MYDGF: variants seen among roughly 807,000 people sequenced by gnomAD.
MYDGF encodes myeloid derived growth factor.
In MYDGF, 29 loss-of-function variants were observed where a neutral mutation model predicts 24.2. The observed-to-expected ratio is 1.20, with a 90% CI of 0.89 to 1.63. The LOEUF (loss-of-function observed/expected upper bound fraction) is 1.63. Among genes scored for constraint, MYDGF ranks in the 40% most tolerant of loss-of-function variants. MYDGF has a pLI of 0.00. For missense variants in MYDGF, 245 were observed against 234.8 expected (o/e 1.04, Z -0.29); for synonymous variants, 105 against 102.5 (o/e 1.02, Z -0.15).
At chr19:4,659,857 T>G in intron 5 of MYDGF, 74 bp downstream of exon 5, 1 of 1,391,310 alleles carries the variant, frequency 7.2e-7, no homozygotes, top group Non-Finnish European at 1.0e-6. Context: ...CTGACCCCCC[T>G]CTCCAAACTG....
At chr19:4,669,575 G>A (rs2088547166) in intron 1 of MYDGF, among the ~76,000 whole-genome samples, 1 of 152,158 alleles carries the variant, frequency 6.6e-6, no homozygotes, top group Non-Finnish European at 1.5e-5. Context: ...CCGAGATCCC[G>A]CCACTGCACG....
At chr19:4,666,065 C>A (rs2088519379) in intron 2 of MYDGF, among the ~76,000 whole-genome samples, 2 of 151,660 alleles carry the variant, frequency 1.3e-5, no homozygotes, top group African/African-American at 4.8e-5. Flanking sequence ...TGCCTGTAAT[C>A]CCAGCACTTT....
intron 3 of MYDGF, among the ~76,000 whole-genome samples, chr19:4,661,977 C>T (rs1215965516): frequency 1.3e-5 from 2 of 152,126 alleles, no homozygotes; most frequent in South Asian, 2.1e-4. Context: ...CAGACGATGG[C>T]GACCGTGGGC....
intron 1 of MYDGF, among the ~76,000 whole-genome samples, chr19:4,669,892 C>A (rs1023338432): frequency 1.3e-5 from 2 of 152,150 alleles, no homozygotes; most frequent in African/African-American, 4.8e-5. Flanking sequence ...ACACTCCAGG[C>A]AGGCGACAGG....
At chr19:4,668,846 C>G (rs2088540840) in intron 1 of MYDGF, 2 of 442,204 alleles carry the variant, frequency 4.5e-6, no homozygotes, top group Non-Finnish European at 8.1e-6. Context: ...CCACACCCGA[C>G]TAATTTTTTT....
chr19:4,659,754 C>T, intron 5 of MYDGF, 177 bp downstream of exon 5: 4 of 641,418 alleles, frequency 6.2e-6, no homozygotes, highest in Non-Finnish European at 1.1e-5. Context: ...CTAGACAGAA[C>T]CCACAGTGCC....
intron 3 of MYDGF, among the ~76,000 whole-genome samples, chr19:4,662,928 T>C (rs1217500354): frequency 6.6e-6 from 1 of 151,704 alleles, no homozygotes; most frequent in Non-Finnish European, 1.5e-5. Flanking sequence ...ACCTTCCTCC[T>C]CCTCCTACCC....
Position 4,670,326 on chromosome 19 carries a change from C to T in MYDGF, c.9G>A (p.Ala3=). The change falls in exon 1 of 6, where the codon GCG becomes GCA. Residue 3 remains alanine (A), a synonymous_variant. Coordinates refer to ENST00000262947, the MANE Select transcript of MYDGF (RefSeq NM_019107.4). Reference sequence around the variant, plus strand: ...CGACGCCGTTCCACCCTCCGCTGGGCGCCGCCATGTTGGACTAGGGTCCTC... The same window carrying T: ...CGACGCCGTTCCACCCTCCGCTGGGTGCCGCCATGTTGGACTAGGGTCCTC... MA[A]PSGGWNGVGA... is the part of the protein sequence containing the mutation. 6.9e-7 allele frequency: 1 copy of T among 1,457,522 alleles called. No individual in the cohort carries two copies. The highest frequency in any genetic ancestry group is 9.1e-7 in the Non-Finnish European group (1 of 1,103,250). The allele number at this position is 1,457,522 out of a possible 1,614,324, so 90.3% of individuals were successfully genotyped here. A position where few individuals can be genotyped will look rare whatever the true frequency, so the allele number is the denominator to read the frequency against.
At position 4,664,867 on chromosome 19, in the gene MYDGF, G is replaced by T; in HGVS notation, c.287+9C>A. On this transcript the variant is annotated intron_variant, in intron 3 of 5. Coordinates refer to ENST00000262947, the MANE Select transcript of MYDGF (RefSeq NM_019107.4). ...CAGCCGGAAATGCCATCCCCACCCC[G>T]AGTCTCACCTCCAGATGGTGCAGGT... 1.9e-6 allele frequency: 3 copies of T among 1,611,926 alleles called. No homozygotes were observed. Among genetic ancestry groups the T allele is most frequent in the Admixed American group, 3.3e-5 (2 of 59,964 alleles).
At chr19:4,666,339 G>A (rs573871478) in intron 2 of MYDGF, among the ~76,000 whole-genome samples, 3 of 151,022 alleles carry the variant, frequency 2.0e-5, no homozygotes, top group East Asian at 2.0e-4. Context: ...GCAGTGGTGC[G>A]ATCTCAGCTC....
At position 4,658,036 on chromosome 19, in the gene MYDGF, A is replaced by G. The variant is rs1176776376; in HGVS notation, c.491T>C (p.Ile164Thr). ...CTCAGTGCGCGATGCCTTGGCCACA[A>G]TCACCAGCTTGGACAGCTCAGCTTT... is the stretch of plus-strand genomic sequence containing the variant. ...AFKAELSKLV[I>T]VAKASRTEL Residue 164 changes from isoleucine (I) to threonine (T), a missense_variant, in exon 6 of 6, where the codon ATT (isoleucine) becomes ACT (threonine). Physicochemically the swap from Ile to Thr is moderately conservative, Grantham distance 89. Transcript: ENST00000262947. 1.2e-6 allele frequency: 2 copies of G among 1,611,830 alleles called. No homozygotes were observed. Among genetic ancestry groups the G allele is most frequent in the South Asian group, 1.1e-5 (1 of 90,558 alleles).
chr19:4,658,807 T>C (rs1298269800), intron 5 of MYDGF, among the ~76,000 whole-genome samples: 2 of 152,200 alleles, frequency 1.3e-5, no homozygotes, highest in Non-Finnish European at 2.9e-5. Context: ...TTTTAAAATT[T>C]ATTATTTTTT....
intron 5 of MYDGF, among the ~76,000 whole-genome samples, chr19:4,659,079 C>T (rs1364455192): frequency 7.0e-6 from 1 of 142,558 alleles, no homozygotes; most frequent in Admixed American, 7.0e-5. Flanking sequence ...ATGCCCAGCC[C>T]TGTTTATTGT....
intron 3 of MYDGF, among the ~76,000 whole-genome samples, chr19:4,663,919 C>A (rs1250607622): frequency 6.6e-6 from 1 of 151,160 alleles, no homozygotes; most frequent in Non-Finnish European, 1.5e-5. Flanking sequence ...CCTGCCTCAG[C>A]CTGCCTCCTT....
At chr19:4,660,911 G>A (rs1430026860) in intron 3 of MYDGF, among the ~76,000 whole-genome samples, 161 bp from the exon 4 acceptor site, 2 of 152,064 alleles carry the variant, frequency 1.3e-5, no homozygotes, top group Non-Finnish European at 2.9e-5. Flanking sequence ...CTGCTGACTG[G>A]GAAGGATGGA....
chr19:4,662,531 A>C (rs1372557072), intron 3 of MYDGF, among the ~76,000 whole-genome samples: 1 of 152,122 alleles, frequency 6.6e-6, no homozygotes, highest in East Asian at 1.9e-4. Context: ...AGCCGGGATA[A>C]GCCCATAAAC....
chr19:4,670,326 C>G lies in MYDGF; in HGVS notation c.9G>C (p.Ala3=). 2 of 1,457,524 alleles carry G rather than the reference C, an allele frequency of 1.4e-6. No homozygotes were observed. The highest frequency in any genetic ancestry group is 1.8e-6 in the Non-Finnish European group (2 of 1,103,250). 90.3% of individuals were successfully genotyped at this position (1,457,524 alleles called of 1,614,324 possible). A position where few individuals can be genotyped will look rare whatever the true frequency, so the allele number is the denominator to read the frequency against. MA[A]PSGGWNGVGA... ...CGACGCCGTTCCACCCTCCGCTGGG[C>G]GCCGCCATGTTGGACTAGGGTCCTC... Residue 3 remains alanine, a synonymous_variant, in exon 1 of 6, where the codon GCG becomes GCC. Transcript: ENST00000262947.
intron 5 of MYDGF, among the ~76,000 whole-genome samples, chr19:4,658,370 A>C (rs1442272069): frequency 6.6e-6 from 1 of 152,190 alleles, no homozygotes; most frequent in Non-Finnish European, 1.5e-5. Flanking sequence ...CATGTTGTCA[A>C]GAAGAGATGC....
At chr19:4,660,814 G>T in intron 3 of MYDGF, 64 bp from the exon 4 acceptor site, 1 of 1,429,522 alleles carries the variant, frequency 7.0e-7, no homozygotes, top group South Asian at 1.2e-5. Context: ...TGTGTGCCCT[G>T]GAAGGAGCCC....
Sources: gnomAD v4.1 joint callset for allele counts (sites outside exome capture counted in the v4.1 genomes callset) on GRCh38, gnomAD v4.1.1 for gene constraint, MANE v1.5 for transcripts, NCBI Gene and HGNC (gene_info 2026-07-23, HGNC 2026-07-21) for gene names.